The following EPHA6 variants were observed in gnomAD, a reference collection of about 807,000 sequenced individuals.
EPHA6 encodes the protein EPH receptor A6.
A neutral mutation model predicts 112.0 loss-of-function variants in EPHA6; 50 were observed. The ratio of observed to expected loss-of-function variants is 0.45; its 90% CI spans 0.36 to 0.56. The LOEUF is 0.56. EPHA6 is among the 20% of genes least tolerant of loss of function. EPHA6 has a pLI of 0.00. For synonymous variants in EPHA6, 529 were observed against 490.7 expected, an observed-to-expected ratio of 1.08 and a Z score of -1.03; for missense variants, 1,280 against 1,417.4, an observed-to-expected ratio of 0.90 and a Z score of 1.56.
At chr3:97,207,893 C>T (rs1171985019) in intron 3 of EPHA6, among the ~76,000 whole-genome samples, 1 of 152,124 alleles carries the variant, frequency 6.6e-6, no homozygotes, top group African/African-American at 2.4e-5. Flanking sequence ...GATGATCTGC[C>T]TGGGTGAGAA....
At chr3:96,865,107 A>G (rs1444925618) in intron 1 of EPHA6, among the ~76,000 whole-genome samples, 1 of 152,070 alleles carries the variant, frequency 6.6e-6, no homozygotes, top group Admixed American at 6.6e-5. Flanking sequence ...CTACTTCAAA[A>G]AGTATTTGAA....
intron 10 of EPHA6, among the ~76,000 whole-genome samples, chr3:97,503,093 C>T (rs2092164989): frequency 6.6e-6 from 1 of 151,692 alleles, no homozygotes; most frequent in Non-Finnish European, 1.5e-5. Flanking sequence ...TAGGAAAATA[C>T]TATAAACAGC....
At chr3:96,844,306 A>G (rs1559766855) in intron 1 of EPHA6, among the ~76,000 whole-genome samples, 1 of 151,984 alleles carries the variant, frequency 6.6e-6, no homozygotes, top group Non-Finnish European at 1.5e-5. Flanking sequence ...CTCAAGTTTC[A>G]GTGATTGTGG....
At chr3:97,315,712 A>T (rs538629633) in intron 5 of EPHA6, among the ~76,000 whole-genome samples, 1 of 151,766 alleles carries the variant, frequency 6.6e-6, no homozygotes, top group East Asian at 1.9e-4. Flanking sequence ...TTCAAAACAT[A>T]AAAAAGCTTC....
At chr3:96,904,384 A>G (rs1489427342) in intron 2 of EPHA6, among the ~76,000 whole-genome samples, 3 of 145,774 alleles carry the variant, frequency 2.1e-5, no homozygotes. Context: ...GCGTGTTGTC[A>G]CTCATAGGTG....
chr3:97,221,878 A>C (rs2108535286), intron 3 of EPHA6, among the ~76,000 whole-genome samples: 1 of 152,180 alleles, frequency 6.6e-6, no homozygotes, highest in East Asian at 1.9e-4. Context: ...TGAAATACAA[A>C]AATTAGGCAG....
intron 3 of EPHA6, among the ~76,000 whole-genome samples, chr3:97,102,186 A>G (rs1050966238): frequency 6.6e-6 from 1 of 152,148 alleles, no homozygotes; most frequent in South Asian, 2.1e-4. Context: ...TAGGTAATCT[A>G]TCTCCAGTAT....
At chr3:96,847,390 T>C (rs1576129067) in intron 1 of EPHA6, among the ~76,000 whole-genome samples, 1 of 97,642 alleles carries the variant, frequency 1.0e-5, no homozygotes, top group Non-Finnish European at 1.7e-5. Flanking sequence ...GACACGTTCA[T>C]TTTTTTTTCT....
Position 97,143,913 on chromosome 3 carries a change from A to G in EPHA6, c.1115-82351A>G, listed in dbSNP as rs141592911. 7.0e-3 allele frequency among the ~76,000 whole-genome samples: 1,055 copies of G among 151,750 alleles called. 11 individuals carry two copies. The highest frequency in any genetic ancestry group is 0.024 in the African/African-American group (1,006 of 41,418). On this transcript the variant is annotated intron_variant, in intron 3 of 17. Transcript: ENST00000389672. ...AGGTAAAATAAAACAAAGGTTTTTA[A>G]AGGAAAAATGAGGATTACATAATTG...
chr3:97,349,612 A>G (rs1315059723), intron 5 of EPHA6, among the ~76,000 whole-genome samples: 4 of 152,102 alleles, frequency 2.6e-5, no homozygotes, highest in African/African-American at 9.6e-5. Flanking sequence ...AAGTATAAAA[A>G]CTGTGGCAAA....
At chr3:96,817,739 A>G (rs1261818153) in intron 1 of EPHA6, among the ~76,000 whole-genome samples, 2 of 151,880 alleles carry the variant, frequency 1.3e-5, no homozygotes. Flanking sequence ...AAAAGAATGG[A>G]TTCACCTTTC....
intron 5 of EPHA6, among the ~76,000 whole-genome samples, chr3:97,398,626 G>A (rs2086819864): frequency 6.6e-6 from 1 of 151,180 alleles, no homozygotes; most frequent in African/African-American, 2.4e-5. Context: ...ACATATGGTT[G>A]CTACATAAAG....
chr3:97,374,278 C>G (rs2085222509), intron 5 of EPHA6, among the ~76,000 whole-genome samples: 1 of 152,082 alleles, frequency 6.6e-6, no homozygotes, highest in East Asian at 1.9e-4. Context: ...CTCTCCTACC[C>G]TTTTGCTTCT....
chr3:97,217,859 C>T (rs540510808), intron 3 of EPHA6, among the ~76,000 whole-genome samples: 1 of 152,248 alleles, frequency 6.6e-6, no homozygotes, highest in South Asian at 2.1e-4. Context: ...TTAGTTTGGA[C>T]TTTATTCTAG....
chr3:97,531,728 T>C (rs1466131796), intron 10 of EPHA6, among the ~76,000 whole-genome samples: 3 of 152,094 alleles, frequency 2.0e-5, no homozygotes, highest in Admixed American at 6.6e-5. Context: ...AATAAATGCT[T>C]GCTAAATATT....
intron 2 of EPHA6, among the ~76,000 whole-genome samples, chr3:96,897,537 G>A (rs1472738527): frequency 1.3e-5 from 2 of 152,132 alleles, no homozygotes; most frequent in Admixed American, 6.5e-5. Context: ...TCTCTGTTTA[G>A]AAATGCAGTC....
At chr3:97,356,692 T>C (rs1277577130) in intron 5 of EPHA6, among the ~76,000 whole-genome samples, 1 of 152,198 alleles carries the variant, frequency 6.6e-6, no homozygotes, top group African/African-American at 2.4e-5. Context: ...TTTTCTGATC[T>C]GTTGAAATTT....
chr3:97,538,699 A>G (rs2092796164), intron 11 of EPHA6, among the ~76,000 whole-genome samples: 1 of 152,216 alleles, frequency 6.6e-6, no homozygotes, highest in Non-Finnish European at 1.5e-5. Flanking sequence ...AGAGGTCAAT[A>G]GAATAAAATG....
At chr3:97,235,356 G>A (rs1432574148) in intron 4 of EPHA6, among the ~76,000 whole-genome samples, 6 of 152,036 alleles carry the variant, frequency 3.9e-5, no homozygotes, top group African/African-American at 1.4e-4. Context: ...TGCTTATCAA[G>A]CCTAGCTTTT....
Sources: allele counts gnomAD v4.1 joint callset (sites outside exome capture counted in the v4.1 genomes callset), GRCh38; gene constraint gnomAD v4.1.1; transcripts MANE v1.5; gene names NCBI Gene and HGNC (gene_info 2026-07-23, HGNC 2026-07-21).